CEP55: variants seen among roughly 807,000 people sequenced by gnomAD.
CEP55 encodes the protein centrosomal protein 55.
In CEP55, 57 loss-of-function variants were observed where a neutral mutation model predicts 63.2. The ratio of observed to expected loss-of-function variants is 0.90; its 90% CI spans 0.73 to 1.13. The LOEUF (loss-of-function observed/expected upper bound fraction) is 1.13. Ranked by LOEUF, CEP55 falls within the 50% of genes most tolerant of loss-of-function variation. The pLI, the probability that CEP55 is intolerant of heterozygous loss-of-function variation, is 0.00. For synonymous variants in CEP55, 178 were observed against 191.6 expected (o/e 0.93, Z 0.59); for missense variants, 456 against 518.9 (o/e 0.88, Z 1.18).
intron 8 of CEP55, among the ~76,000 whole-genome samples, chr10:93,523,682 G>A (rs1180706641): frequency 6.6e-6 from 1 of 151,982 alleles, no homozygotes; most frequent in South Asian, 2.1e-4. Context: ...TGACCACATA[G>A]TTGGAAGTAA....
intron 7 of CEP55, 65 bp from the exon 8 acceptor site, chr10:93,519,617 C>T: frequency 6.5e-7 from 1 of 1,541,196 alleles, no homozygotes; most frequent in Non-Finnish European, 8.8e-7. Flanking sequence ...AAAATGTGAG[C>T]ATCCAGTCAA....
rs776462411 is a variant in CEP55, at chr10:93,517,150, C to T, written c.895C>T (p.His299Tyr). Residue 299 changes from histidine (H) to tyrosine (Y), a missense_variant, in exon 6 of 9, where the codon CAT (histidine) becomes TAT (tyrosine). Physicochemically the swap from His to Tyr is moderately conservative, Grantham distance 83. Coordinates refer to ENST00000371485, the MANE Select transcript of CEP55 (RefSeq NM_018131.5). ...ADVQHLEDDR[H>Y]KTEKIQKLRE... is the part of the protein sequence containing the mutation. ...TGTGCAACATCTGGAAGATGATAGG[C>T]ATAAAACAGAGAAGATACAAAAACT... 14 of 1,613,460 alleles carry T rather than the reference C, an allele frequency of 8.7e-6. No individual in the cohort carries two copies. In the African/African-American group the frequency reaches 1.3e-4, roughly 15 times the overall value.
intron 1 of CEP55, among the ~76,000 whole-genome samples, 168 bp downstream of exon 1, chr10:93,497,091 CCTGT>C (rs1192081992): frequency 1.3e-5 from 2 of 151,984 alleles, no homozygotes; most frequent in African/African-American, 2.4e-5. Flanking sequence ...TTTCTCTTTT[CCTGT>C]CTGTCTCCTC....
chr10:93,516,510 A>C (rs1055289928), intron 5 of CEP55, among the ~76,000 whole-genome samples: 1 of 152,064 alleles, frequency 6.6e-6, no homozygotes, highest in Non-Finnish European at 1.5e-5. Context: ...AAGCAATATA[A>C]GCACTTGTTA....
At chr10:93,518,164 T>G (rs1024063011) in intron 6 of CEP55, among the ~76,000 whole-genome samples, 1 of 152,058 alleles carries the variant, frequency 6.6e-6, no homozygotes, top group Non-Finnish European at 1.5e-5. Context: ...CTTTTTTTTT[T>G]TCTGAGACAG....
intron 4 of CEP55, among the ~76,000 whole-genome samples, chr10:93,509,571 C>T (rs998134796): frequency 2.0e-5 from 3 of 152,062 alleles, no homozygotes; most frequent in South Asian, 2.1e-4. Flanking sequence ...TTGCAACCTC[C>T]GTCTCCTGGT....
chr10:93,522,001 A>C lies in CEP55; in HGVS notation c.1191+2194A>C, dbSNP rs1035422845. Among the ~76,000 whole-genome samples the C allele has an allele frequency of 1.2e-4, 18 of 152,350 alleles. 1 individual carries two copies. Among genetic ancestry groups the C allele is most frequent in the African/African-American group, 2.9e-4 (12 of 41,584 alleles). ...AAAACCACAAAGATGGGGAAAAAACAGCAGAAAAACTGAAAATTCTAAAAA... is the reference window on the plus strand; with the variant it reads ...AAAACCACAAAGATGGGGAAAAAACCGCAGAAAAACTGAAAATTCTAAAAA... On this transcript the variant is annotated intron_variant, in intron 8 of 8. Transcript: ENST00000371485.
Position 93,516,965 on chromosome 10 carries a change from A to C in CEP55, c.710A>C (p.Tyr237Ser). The change falls in exon 6 of 9, where the codon TAC (tyrosine) becomes TCC (serine). Residue 237 changes from tyrosine to serine, a missense_variant. Physicochemically the swap from Tyr to Ser is moderately radical, Grantham distance 144. Coordinates refer to ENST00000371485, the MANE Select transcript of CEP55 (RefSeq NM_018131.5). ...CTTCAAGAAGAGAAGCAGAAATGTTACAACGATCTCTTGGCAAGTGCAAAA... is the reference window on the plus strand; with the variant it reads ...CTTCAAGAAGAGAAGCAGAAATGTTCCAACGATCTCTTGGCAAGTGCAAAA... The part of the protein sequence containing the change: ...GYLQEEKQKC[Y>S]NDLLASAKKD... 1 of 1,593,620 alleles carries C rather than the reference A, an allele frequency of 6.3e-7. No individual in the cohort carries two copies. The highest frequency in any genetic ancestry group is 8.6e-7 in the Non-Finnish European group (1 of 1,166,622).
rs971328715 is a variant in CEP55 at position 93,496,682 on chromosome 10, C to T, written c.-254C>T. 2 of 152,272 alleles carry T rather than the reference C, an allele frequency of 1.3e-5. No homozygotes were observed. Among genetic ancestry groups the T allele is most frequent in the Non-Finnish European group, 2.9e-5 (2 of 68,070 alleles). The allele number at this position is 152,272 out of a possible 1,614,324, so 9.4% of individuals were successfully genotyped here. On this transcript the variant is annotated 5_prime_UTR_variant, in exon 1 of 9. Coordinates refer to ENST00000371485, the MANE Select transcript of CEP55 (RefSeq NM_018131.5). ...ACGCGAGCGCCGCGCTTCGCTTCAG[C>T]TGCTAGCTGGCCCAAGGGAGGCGAC...
intron 4 of CEP55, among the ~76,000 whole-genome samples, chr10:93,512,250 C>T (rs369273968): frequency 1.3e-3 from 150 of 113,472 alleles, no homozygotes; most frequent in African/African-American, 4.5e-3. Flanking sequence ...ATTGGCCGGG[C>T]TCAGTGGCTC....
chr10:93,506,016 G>A (rs2057684767), intron 3 of CEP55, among the ~76,000 whole-genome samples: 1 of 152,060 alleles, frequency 6.6e-6, no homozygotes, highest in Admixed American at 6.6e-5. Flanking sequence ...ACAGGCATAA[G>A]CCTGATCTTG....
At chr10:93,526,944 G>C (rs527283450) in intron 8 of CEP55, among the ~76,000 whole-genome samples, 2 of 152,074 alleles carry the variant, frequency 1.3e-5, no homozygotes, top group Non-Finnish European at 2.9e-5. Flanking sequence ...GGGGTGGGGG[G>C]AGTGGGGAGG....
chr10:93,524,807 T>A (rs1022773768), intron 8 of CEP55, among the ~76,000 whole-genome samples: 14 of 152,310 alleles, frequency 9.2e-5, no homozygotes, highest in Middle Eastern at 6.8e-3. Flanking sequence ...ATAAACGTAA[T>A]CCAGCATATA....
rs7072484 is a variant in CEP55 at position 93,516,961 on chromosome 10, T to C, written c.706T>C (p.Cys236Arg). Residue 236 changes from cysteine to arginine, a missense_variant, in exon 6 of 9, where the codon TGT becomes CGT. Physicochemically the swap from Cys to Arg is radical, Grantham distance 180. Transcript: ENST00000371485. The stretch of plus-strand genomic sequence containing the variant: ...TTATCTTCAAGAAGAGAAGCAGAAA[T>C]GTTACAACGATCTCTTGGCAAGTGC... Reference protein sequence around the residue: ...EGYLQEEKQKCYNDLLASAKK... With the variant: ...EGYLQEEKQKRYNDLLASAKK... 0.027 allele frequency: 42,819 copies of C among 1,590,582 alleles called. 3,755 individuals carry two copies. The African/African-American group carries it at 0.3, about 11-fold the overall frequency.
Position 93,516,110 on chromosome 10 carries a change from A to G in CEP55, c.679+555A>G, listed in dbSNP as rs369172802. Among the ~76,000 whole-genome samples the G allele has an allele frequency of 4.6e-5, 7 of 152,318 alleles. No homozygotes were observed. The South Asian group carries it at 1.2e-3, about 27-fold the overall frequency. On this transcript the variant is annotated intron_variant, in intron 5 of 8. Coordinates refer to ENST00000371485, the MANE Select transcript of CEP55 (RefSeq NM_018131.5). ...CAGGAAAGGTCAGTATTCTCATTTT[A>G]CAGATGAAGAAATAGGTTTAGCAAT...
chr10:93,507,198 G>A (rs1043689580), intron 4 of CEP55, 142 bp downstream of exon 4: 3 of 540,836 alleles, frequency 5.5e-6, no homozygotes, highest in East Asian at 3.3e-5. Flanking sequence ...CTATACATTC[G>A]AGAATCATTT....
chr10:93,499,604 C>T (rs1267888349), intron 1 of CEP55, among the ~76,000 whole-genome samples: 3 of 151,150 alleles, frequency 2.0e-5, no homozygotes, highest in Non-Finnish European at 4.4e-5. Context: ...TCACAGCAAC[C>T]TCCACCTCCC....
In CEP55 at chr10:93,515,268, A is replaced by G. The variant is rs532028636; in HGVS notation, c.529-137A>G. On this transcript the variant is annotated intron_variant, in intron 4 of 8. Coordinates refer to ENST00000371485, the MANE Select transcript of CEP55 (RefSeq NM_018131.5). ...GTTATGTATTCTGAAGGCATGTAAC[A>G]TAGAATGGTTGCCCAGAATTAGTCT... 3.0e-4 allele frequency: 193 copies of G among 654,096 alleles called. 1 individual carries two copies. The African/African-American group carries it at 3.0e-3, about 10-fold the overall frequency. The allele number at this position is 654,096 out of a possible 1,614,324, so 40.5% of individuals were successfully genotyped here. A position where few individuals can be genotyped will look rare whatever the true frequency, so the allele number is the denominator to read the frequency against.
chr10:93,510,892 A>T, intron 4 of CEP55, among the ~76,000 whole-genome samples: 1 of 146,246 alleles, frequency 6.8e-6, no homozygotes. Flanking sequence ...TATTTAGTGG[A>T]TTCTTGTCAA....
Sources: gnomAD v4.1 joint callset for allele counts (sites outside exome capture counted in the v4.1 genomes callset) on GRCh38, gnomAD v4.1.1 for gene constraint, MANE v1.5 for transcripts, NCBI Gene and HGNC (gene_info 2026-07-23, HGNC 2026-07-21) for gene names.